The following HEXA variants were observed in gnomAD, a reference collection of about 807,000 sequenced individuals.
HEXA encodes the protein hexosaminidase subunit alpha.
Under a neutral mutation model 73.3 loss-of-function variants are expected in HEXA, and 54 were observed. The observed-to-expected ratio is 0.74, with a 90% CI of 0.59 to 0.92. The LOEUF is 0.92. Ranked by LOEUF, HEXA falls within the 40% of genes least tolerant of loss-of-function variation. HEXA has a pLI of 0.00. For missense variants in HEXA, 649 were observed against 653.0 expected, an observed-to-expected ratio of 0.99 and a Z score of 0.07; for synonymous variants, 230 against 246.9, an observed-to-expected ratio of 0.93 and a Z score of 0.64.
Position 72,346,538 on chromosome 15 carries a change from A to C in HEXA, c.1319T>G (p.Leu440Arg). 1.9e-6 allele frequency: 3 copies of C among 1,613,934 alleles called. No homozygotes were observed. The highest frequency in any genetic ancestry group is 2.5e-6 in the Non-Finnish European group (3 of 1,179,860). Residue 440 changes from leucine (L) to arginine (R), a missense_variant, in exon 11 of 14, where the codon CTG becomes CGG. Leu to Arg is a moderately radical substitution (Grantham distance 102). Transcript: ENST00000268097. ...DWKDFYIVEP[L>R]AFEGTPEQKA... is the part of the protein sequence containing the mutation. ...CTCTCTGCTTTCACCTTCAAATGCC[A>C]GGGGTTCCACTATGTAGAAATCCTT...
chr15:72,370,004 C>T (rs1053902885), intron 1 of HEXA: 1 of 150,852 alleles, frequency 6.6e-6, no homozygotes, highest in Non-Finnish European at 1.5e-5. Context: ...TCACCAAGTT[C>T]TTCCCACTAT....
intron 1 of HEXA, among the ~76,000 whole-genome samples, chr15:72,374,550 A>G (rs201818519): frequency 1.6e-5 from 2 of 124,726 alleles, no homozygotes; most frequent in South Asian, 5.6e-4. Flanking sequence ...CATATAAAAT[A>G]TTACTACAAG....
At chr15:72,353,261 G>A (rs1003199951) in intron 4 of HEXA, 83 bp from the exon 5 acceptor site, 2 of 850,886 alleles carry the variant, frequency 2.4e-6, no homozygotes, top group Non-Finnish European at 3.9e-6. Flanking sequence ...ACTCTCCCAG[G>A]ATTCTTAAAA....
intron 3 of HEXA, chr15:72,353,956 G>T (rs2088737990): frequency 4.9e-6 from 3 of 615,782 alleles, no homozygotes; most frequent in Non-Finnish European, 8.8e-6. Flanking sequence ...GTCAGAGTAA[G>T]GGTTTTAGTG....
In HEXA at chr15:72,363,123, T is replaced by C. The variant is rs142623341; in HGVS notation, c.254-6506A>G. 1.7e-4 allele frequency among the ~76,000 whole-genome samples: 26 copies of C among 152,250 alleles called. No homozygotes were observed. The East Asian group carries it at 5.0e-3, about 29-fold the overall frequency. ...TCATATCCAGGTTTCATCTCCCCCA[T>C]ATTCTGCCTAATAAAAGCCCATTAT... On this transcript the variant is annotated intron_variant, in intron 1 of 13. Transcript: ENST00000268097.
intron 1 of HEXA, among the ~76,000 whole-genome samples, chr15:72,369,709 C>G (rs1283408173): frequency 6.6e-6 from 1 of 152,084 alleles, no homozygotes. Flanking sequence ...AGCTTTATTT[C>G]TTAAAAGAAG....
In HEXA at chr15:72,356,577, A is replaced by G; in HGVS notation, c.294T>C (p.Ser98=). ...HTLEKNVLVV[S]VVTPGCNQLP... ...GCTGGTTACATCCAGGTGTGACTACAGAGACAACCAACACATTCTTCTCCA... is the reference window on the plus strand; with the variant it reads ...GCTGGTTACATCCAGGTGTGACTACGGAGACAACCAACACATTCTTCTCCA... The change falls in exon 2 of 14, where the codon TCT becomes TCC. Residue 98 remains serine, a synonymous_variant. Transcript: ENST00000268097. The G allele has an allele frequency of 6.2e-7, 1 of 1,614,046 alleles. No individual in the cohort carries two copies. The highest frequency in any genetic ancestry group is 8.5e-7 in the Non-Finnish European group (1 of 1,179,880).
At chr15:72,355,134 T>G (rs1188394976) in intron 3 of HEXA, 1 of 287,848 alleles carries the variant, frequency 3.5e-6, no homozygotes. Context: ...AGCCCCTGAC[T>G]AGGGCAGCAG....
chr15:72,350,720 G>A, intron 6 of HEXA, 70 bp from the exon 7 acceptor site: 1 of 1,579,750 alleles, frequency 6.3e-7, no homozygotes, highest in Non-Finnish European at 8.7e-7. Context: ...TACTCAAAAT[G>A]CCCACAAGAC....
chr15:72,348,677 C>T (rs949000011), intron 8 of HEXA, among the ~76,000 whole-genome samples: 1 of 152,294 alleles, frequency 6.6e-6, no homozygotes, highest in Middle Eastern at 3.4e-3. Flanking sequence ...TTACTAGAAC[C>T]AAGGGTTTGG....
intron 3 of HEXA, chr15:72,355,050 C>G (rs1202806403): frequency 1.6e-5 from 3 of 186,440 alleles, no homozygotes; most frequent in African/African-American, 7.1e-5. Context: ...TAGCATCATT[C>G]CCCCTGCCCC....
At chr15:72,347,791 G>A (rs1256874605) in intron 9 of HEXA, 33 bp from the exon 10 acceptor site, 1 of 1,594,642 alleles carries the variant, frequency 6.3e-7, no homozygotes, top group African/African-American at 1.3e-5. Context: ...GTAAGTGTCT[G>A]CTTAGCTCAG....
intron 1 of HEXA, among the ~76,000 whole-genome samples, chr15:72,364,143 G>A (rs535506858): frequency 2.0e-5 from 3 of 151,946 alleles, no homozygotes; most frequent in African/African-American, 4.8e-5. Flanking sequence ...GGTAGCAGGC[G>A]CCTGTAAACC....
chr15:72,374,243 C>T (rs2089029704), intron 1 of HEXA, among the ~76,000 whole-genome samples: 1 of 151,908 alleles, frequency 6.6e-6, no homozygotes, highest in Non-Finnish European at 1.5e-5. Context: ...ATAAACCAGG[C>T]TCAAACTCTT....
chr15:72,352,492 T>C (rs960241236), intron 5 of HEXA, among the ~76,000 whole-genome samples: 2 of 148,666 alleles, frequency 1.3e-5, no homozygotes, highest in Admixed American at 6.6e-5. Flanking sequence ...AAAACAAATA[T>C]AGTTAGCTCT....
chr15:72,351,692 G>T (rs1012225846), intron 5 of HEXA: 3 of 224,496 alleles, frequency 1.3e-5, no homozygotes, highest in African/African-American at 6.8e-5. Flanking sequence ...CAGATGTGTG[G>T]CCTCCTTTGG....
chr15:72,345,798 A>G, intron 12 of HEXA: 2 of 580,610 alleles, frequency 3.4e-6, no homozygotes. Flanking sequence ...GGGAATAAGA[A>G]TAAACCTTAA....
At chr15:72,347,438 G>A (rs960691317) in intron 10 of HEXA, among the ~76,000 whole-genome samples, 1 of 151,638 alleles carries the variant, frequency 6.6e-6, no homozygotes, top group Non-Finnish European at 1.5e-5. Context: ...TTGCTATGTT[G>A]GCCAGGCTGG....
intron 1 of HEXA, among the ~76,000 whole-genome samples, chr15:72,365,247 GC>G (rs1371381151): frequency 1.3e-5 from 2 of 152,202 alleles, no homozygotes; most frequent in African/African-American, 4.8e-5. Flanking sequence ...ACGCCACCGT[GC>G]CCGGCTAATT....
Sources: allele counts gnomAD v4.1 joint callset (sites outside exome capture counted in the v4.1 genomes callset), GRCh38; gene constraint gnomAD v4.1.1; transcripts MANE v1.5; gene names NCBI Gene and HGNC (gene_info 2026-07-23, HGNC 2026-07-21).